Variants in FGFR2 observed in about 807,000 individuals in gnomAD.
FGFR2 encodes the protein BEK fibroblast growth factor receptor.
Under a neutral mutation model 95.9 loss-of-function variants are expected in FGFR2, and 19 were observed. The observed-to-expected ratio is 0.20, with a 90% CI of 0.14 to 0.29. The LOEUF is 0.29. Among genes scored for constraint, FGFR2 ranks in the 10% least tolerant of loss-of-function variants. The probability of loss-of-function intolerance (pLI) is 1.00; values close to 1 mark genes in which losing one functional copy is unlikely to be tolerated. For missense variants in FGFR2, 707 were observed against 1,056.9 expected, an observed-to-expected ratio of 0.67 and a Z score of 4.59; for synonymous variants, 392 against 393.3, an observed-to-expected ratio of 1.00 and a Z score of 0.04.
At chr10:121,596,865 G>C (rs999625620) in intron 1 of FGFR2, among the ~76,000 whole-genome samples, 1 of 152,076 alleles carries the variant, frequency 6.6e-6, no homozygotes, top group African/African-American at 2.4e-5. Flanking sequence ...TGACATTCCA[G>C]GGAAAGAGAG....
chr10:121,489,592 C>A (rs1360541515), intron 13 of FGFR2, among the ~76,000 whole-genome samples: 4 of 152,184 alleles, frequency 2.6e-5, no homozygotes, highest in Admixed American at 6.5e-5. Flanking sequence ...CCTCCTGAGA[C>A]CCATGTTCTC....
intron 6 of FGFR2, chr10:121,530,226 C>A (rs1851908480): frequency 6.6e-6 from 1 of 152,362 alleles, no homozygotes; most frequent in Non-Finnish European, 1.5e-5. Flanking sequence ...ACCATGAATA[C>A]AACAGCCGGG....
chr10:121,543,491 CAG>C (rs1735493739), intron 5 of FGFR2, among the ~76,000 whole-genome samples: 1 of 152,148 alleles, frequency 6.6e-6, no homozygotes, highest in Admixed American at 6.5e-5. Context: ...GCCTGGGTGA[CAG>C]AGTGAGACTC....
intron 2 of FGFR2, among the ~76,000 whole-genome samples, chr10:121,566,102 C>T (rs949410830): frequency 9.9e-5 from 15 of 152,176 alleles, no homozygotes; most frequent in African/African-American, 3.4e-4. Context: ...GTACGTGAAA[C>T]GTGACTGTGC....
intron 2 of FGFR2, among the ~76,000 whole-genome samples, chr10:121,568,048 G>A (rs766209757): frequency 3.3e-5 from 5 of 152,162 alleles, no homozygotes; most frequent in South Asian, 4.1e-4. Context: ...GTCAAAATGC[G>A]GCTGAATTGA....
At chr10:121,597,212 G>A (rs1863556546) in intron 1 of FGFR2, among the ~76,000 whole-genome samples, 1 of 152,212 alleles carries the variant, frequency 6.6e-6, no homozygotes, top group African/African-American at 2.4e-5. Context: ...GCGCCACGCA[G>A]GGCCCTCGGC....
At chr10:121,520,785 G>A (rs1850429633) in intron 6 of FGFR2, among the ~76,000 whole-genome samples, 2 of 152,170 alleles carry the variant, frequency 1.3e-5, no homozygotes, top group South Asian at 2.1e-4. Context: ...TGGGACTACA[G>A]GCAACCGCCA....
chr10:121,535,273 T>G (rs1222418480), intron 6 of FGFR2, among the ~76,000 whole-genome samples: 2 of 152,178 alleles, frequency 1.3e-5, no homozygotes, highest in Non-Finnish European at 2.9e-5. Flanking sequence ...TTTATAGTAA[T>G]TTGTTAGGGG....
chr10:121,506,357 C>CAAAAAAAAAAAAAAA (rs10678814), intron 9 of FGFR2, among the ~76,000 whole-genome samples: 25 of 101,136 alleles, frequency 2.5e-4, no homozygotes, highest in African/African-American at 1.0e-3. Flanking sequence ...GACTCCGTCT[C>CAAAAAAAAAAAAAAA]AAAAAAAAAA....
rs61527395 is a variant in FGFR2, at chr10:121,524,101, T to TACACAC, written c.749-3938_749-3933dup. Among the ~76,000 whole-genome samples the TACACAC allele has an allele frequency of 4.3e-3, 385 of 89,188 alleles. 5 individuals carry two copies. Among genetic ancestry groups the TACACAC allele is most frequent in the African/African-American group, 0.013 (372 of 27,812 alleles). The allele number at this position is 89,188 out of a possible 152,430, so 58.5% of individuals were successfully genotyped here. The stretch of plus-strand genomic sequence containing the variant: ...ATTCCAATGCTATCCCGGCTATGTA[T>TACACAC]ACACACACACACACACACACACACA... On this transcript the variant is annotated intron_variant, in intron 6 of 17. Transcript: ENST00000358487.
At chr10:121,578,840 G>T (rs148022631) in intron 2 of FGFR2, among the ~76,000 whole-genome samples, 143 of 152,370 alleles carry the variant, frequency 9.4e-4, no homozygotes, top group African/African-American at 3.4e-3. Context: ...AACTTCGGAG[G>T]CAGAGGTTGC....
At chr10:121,589,331 G>A (rs181998801) in intron 2 of FGFR2, among the ~76,000 whole-genome samples, 37 of 152,228 alleles carry the variant, frequency 2.4e-4, no homozygotes, top group African/African-American at 8.2e-4. Flanking sequence ...TTGAAACTAC[G>A]AACATTAAAC....
chr10:121,524,513 G>C (rs545853200), intron 6 of FGFR2, among the ~76,000 whole-genome samples: 1 of 152,176 alleles, frequency 6.6e-6, no homozygotes, highest in Non-Finnish European at 1.5e-5. Context: ...CAAGTCGGAG[G>C]AGGAGGCCTG....
chr10:121,538,507 A>C, intron 6 of FGFR2, 85 bp downstream of exon 6: 1 of 1,565,410 alleles, frequency 6.4e-7, no homozygotes, highest in Non-Finnish European at 8.8e-7. Flanking sequence ...TTATGGGAGA[A>C]ACAGGACTTA....
At chr10:121,522,299 C>A (rs1052387871) in intron 6 of FGFR2, among the ~76,000 whole-genome samples, 1 of 152,190 alleles carries the variant, frequency 6.6e-6, no homozygotes, top group African/African-American at 2.4e-5. Context: ...TGCCTTTGAG[C>A]ATAATCCCAG....
At chr10:121,510,280 C>T (rs754191017) in intron 9 of FGFR2, among the ~76,000 whole-genome samples, 5 of 152,282 alleles carry the variant, frequency 3.3e-5, no homozygotes, top group African/African-American at 4.8e-5. Context: ...GCCCCAGATG[C>T]GCTGGCTCTG....
At chr10:121,591,741 C>A (rs1223931352) in intron 2 of FGFR2, among the ~76,000 whole-genome samples, 1 of 152,160 alleles carries the variant, frequency 6.6e-6, no homozygotes, top group Non-Finnish European at 1.5e-5. Context: ...TAAAAATGCA[C>A]AAAAGGACAT....
At chr10:121,570,889 T>C (rs1352050795) in intron 2 of FGFR2, among the ~76,000 whole-genome samples, 1 of 152,272 alleles carries the variant, frequency 6.6e-6, no homozygotes, top group Non-Finnish European at 1.5e-5. Flanking sequence ...GCCACACTAC[T>C]GCAGCCCTGC....
At chr10:121,559,807 T>C (rs960765433) in intron 4 of FGFR2, among the ~76,000 whole-genome samples, 2 of 152,228 alleles carry the variant, frequency 1.3e-5, no homozygotes, top group East Asian at 3.8e-4. Flanking sequence ...GCTGGGCAGT[T>C]AGGAACACTG....
Sources: gnomAD v4.1 joint callset for allele counts (sites outside exome capture counted in the v4.1 genomes callset) on GRCh38, gnomAD v4.1.1 for gene constraint, MANE v1.5 for transcripts, NCBI Gene and HGNC (gene_info 2026-07-23, HGNC 2026-07-21) for gene names.